The following NEGR1 variants were observed in gnomAD, a reference collection of about 807,000 sequenced individuals.
NEGR1 encodes IgLON family member 4.
NEGR1 carries 10 observed loss-of-function variants against 40.9 expected under a neutral mutation model. The ratio of observed to expected loss-of-function variants is 0.24; its 90% CI spans 0.15 to 0.42. The LOEUF (loss-of-function observed/expected upper bound fraction) is 0.42. NEGR1 is among the 10% of genes least tolerant of loss of function. The pLI, the probability that NEGR1 is intolerant of heterozygous loss-of-function variation, is 1.00. For synonymous variants in NEGR1, 185 were observed against 166.8 expected (o/e 1.11, Z -0.84); for missense variants, 352 against 438.9 (o/e 0.80, Z 1.77).
chr1:71,627,040 T>C (rs1650811309), intron 4 of NEGR1, among the ~76,000 whole-genome samples: 1 of 152,198 alleles, frequency 6.6e-6, no homozygotes, highest in Admixed American at 6.5e-5. Context: ...ACTTTTACAC[T>C]GTTGGTGGGA....
chr1:72,044,130 T>G (rs1419624587), intron 1 of NEGR1, among the ~76,000 whole-genome samples: 2 of 151,660 alleles, frequency 1.3e-5, no homozygotes, highest in Admixed American at 6.6e-5. Flanking sequence ...TTCTTGGAGT[T>G]TCAGTTAATA....
intron 6 of NEGR1, among the ~76,000 whole-genome samples, chr1:71,497,549 C>G (rs998437099): frequency 1.3e-5 from 2 of 151,632 alleles, no homozygotes; most frequent in African/African-American, 4.8e-5. Flanking sequence ...AAAACTGATT[C>G]CCAGGATAGA....
chr1:71,937,583 C>T (rs12043636), intron 1 of NEGR1, among the ~76,000 whole-genome samples: 18,824 of 152,168 alleles, frequency 0.12, 1,622 homozygotes, highest in East Asian at 0.43. Context: ...GCCTAAGCCA[C>T]GATATTAGTG....
intron 3 of NEGR1, among the ~76,000 whole-genome samples, chr1:71,739,315 A>T (rs151227128): frequency 6.6e-6 from 1 of 151,808 alleles, no homozygotes; most frequent in African/African-American, 2.4e-5. Context: ...GTCAGACTCC[A>T]GGTTCTTCAG....
At chr1:71,738,303 G>T in intron 3 of NEGR1, 1 of 252,880 alleles carries the variant, frequency 4.0e-6, no homozygotes, top group Non-Finnish European at 8.3e-6. Flanking sequence ...CTGCCATGCA[G>T]CTGAAAGAGC....
At chr1:71,527,374 C>T (rs1181460961) in intron 6 of NEGR1, among the ~76,000 whole-genome samples, 2 of 148,960 alleles carry the variant, frequency 1.3e-5, no homozygotes, top group Non-Finnish European at 3.0e-5. Flanking sequence ...TCCATTCATC[C>T]ACCATCCATC....
At position 72,088,796 on chromosome 1, in the gene NEGR1, CTTTTTTTT is replaced by C. The variant is rs71074816; in HGVS notation, c.177-153493_177-153486del. Among the ~76,000 whole-genome samples, 354 of 74,908 alleles carry C rather than the reference CTTTTTTTT, an allele frequency of 4.7e-3. 2 individuals carry two copies. Among genetic ancestry groups the C allele is most frequent in the African/African-American group, 0.013 (282 of 21,430 alleles). 49.1% of individuals were successfully genotyped at this position (74,908 alleles called of 152,430 possible). The stretch of plus-strand genomic sequence containing the variant: ...ATGTATAATGTAGTTCTCTCTCTCT[CTTTTTTTT>C]TTTTTTTTTTTTTTTTTTTGAGACG... On this transcript the variant is annotated intron_variant, in intron 1 of 6. Coordinates refer to ENST00000357731, the MANE Select transcript of NEGR1 (RefSeq NM_173808.3).
At chr1:71,749,475 C>T (rs572679941) in intron 3 of NEGR1, among the ~76,000 whole-genome samples, 10 of 152,234 alleles carry the variant, frequency 6.6e-5, no homozygotes, top group Admixed American at 1.3e-4. Context: ...GCACTTATAT[C>T]ATATTTGCTA....
Position 72,282,450 on chromosome 1 carries a change from C to G in NEGR1, c.45G>C (p.Gln15His). Reference sequence around the variant, plus strand: ...GGCTGAGGAGCACCGCCGCCAGCCACTGGTTCGAGCAACAAGCACCCTGCA... The same window carrying G: ...GGCTGAGGAGCACCGCCGCCAGCCAGTGGTTCGAGCAACAAGCACCCTGCA... ...LLVQGACCSN[Q>H]WLAAVLLSLC... Residue 15 changes from glutamine to histidine, a missense_variant, in exon 1 of 7, where the codon CAG becomes CAC. Gln to His is a conservative substitution (Grantham distance 24, BLOSUM62 0). Around this residue, in one of 5 missense-constraint regions of NEGR1, gnomAD observed 81 missense variants for 85.8 expected, o/e 0.94. Coordinates refer to ENST00000357731, the MANE Select transcript of NEGR1 (RefSeq NM_173808.3). 2 of 1,613,860 alleles carry G rather than the reference C, an allele frequency of 1.2e-6. No individual in the cohort carries two copies. Among genetic ancestry groups the G allele is most frequent in the South Asian group, 1.1e-5 (1 of 91,066 alleles).
At chr1:71,928,514 A>ATG (rs1645822390) in intron 2 of NEGR1, among the ~76,000 whole-genome samples, 1 of 146,494 alleles carries the variant, frequency 6.8e-6, no homozygotes, top group African/African-American at 2.5e-5. Flanking sequence ...ATACATGTGT[A>ATG]TATATATACA....
At chr1:72,275,950 G>T (rs1656035801) in intron 1 of NEGR1, among the ~76,000 whole-genome samples, 1 of 151,892 alleles carries the variant, frequency 6.6e-6, no homozygotes, top group Admixed American at 6.6e-5. Flanking sequence ...AAATAAATTA[G>T]CCAGGTATGT....
intron 1 of NEGR1, among the ~76,000 whole-genome samples, chr1:72,161,884 T>G (rs971844527): frequency 5.9e-5 from 9 of 151,586 alleles, no homozygotes; most frequent in African/African-American, 2.2e-4. Context: ...GGAGATGGGT[T>G]TTCACTGTGT....
At chr1:71,659,039 G>A (rs1610385) in intron 4 of NEGR1, among the ~76,000 whole-genome samples, 71,725 of 151,894 alleles carry the variant, frequency 0.47, 17,000 homozygotes, top group Middle Eastern at 0.54. Flanking sequence ...TGGAGGAAGC[G>A]GACCTCATGG....
At chr1:72,109,415 T>A (rs1456462538) in intron 1 of NEGR1, among the ~76,000 whole-genome samples, 1 of 151,620 alleles carries the variant, frequency 6.6e-6, no homozygotes, top group Admixed American at 6.6e-5. Context: ...ACTCATACCT[T>A]AAACTTTTTC....
intron 3 of NEGR1, among the ~76,000 whole-genome samples, chr1:71,769,896 T>G (rs969898704): frequency 1.3e-5 from 2 of 152,350 alleles, no homozygotes; most frequent in African/African-American, 4.8e-5. Context: ...ACTGTTCATA[T>G]AACAATTCTG....
chr1:72,071,688 G>C lies in NEGR1; in HGVS notation c.177-136377C>G, dbSNP rs991224556. 2.6e-5 allele frequency among the ~76,000 whole-genome samples: 4 copies of C among 152,168 alleles called. No individual in the cohort carries two copies. In the Middle Eastern group the frequency reaches 0.014, roughly 518 times the overall value. On this transcript the variant is annotated intron_variant, in intron 1 of 6. Transcript: ENST00000357731. ...CTCATCCCACTTTTGCACTATGTTT[G>C]ATAAGTCTCCTATTTCTTTTGAGTC...
intron 1 of NEGR1, among the ~76,000 whole-genome samples, chr1:72,186,416 G>C (rs1406817227): frequency 6.6e-6 from 1 of 151,374 alleles, no homozygotes; most frequent in African/African-American, 2.4e-5. Context: ...ATGCATCTTG[G>C]ACATTGCATT....
At chr1:72,161,530 G>T (rs2100375174) in intron 1 of NEGR1, among the ~76,000 whole-genome samples, 1 of 152,102 alleles carries the variant, frequency 6.6e-6, no homozygotes, top group African/African-American at 2.4e-5. Context: ...GTACGGGTAG[G>T]ATTATTCAAA....
intron 1 of NEGR1, among the ~76,000 whole-genome samples, chr1:71,952,328 T>G (rs982237659): frequency 2.6e-5 from 4 of 151,974 alleles, no homozygotes; most frequent in African/African-American, 9.7e-5. Context: ...ACAGCCTTTT[T>G]GCTGATATGA....
Sources: gnomAD v4.1 joint callset for allele counts (sites outside exome capture counted in the v4.1 genomes callset) on GRCh38, gnomAD v4.1.1 for gene constraint, gnomAD v4.1.1 regional missense constraint, MANE v1.5 for transcripts, NCBI Gene and HGNC (gene_info 2026-07-23, HGNC 2026-07-21) for gene names.